Variants in GLIS1 observed in about 807,000 individuals in gnomAD.
GLIS1 encodes the protein zinc finger protein GLIS1.
Under a neutral mutation model 63.8 loss-of-function variants are expected in GLIS1, and 24 were observed. That is an observed-to-expected ratio of 0.38 (90% CI 0.27 to 0.53). The LOEUF (loss-of-function observed/expected upper bound fraction) is 0.53, where lower values mean the gene tolerates loss of function less well. Ranked by LOEUF, GLIS1 falls within the 20% of genes least tolerant of loss-of-function variation. GLIS1 has a pLI of 0.85. For missense variants in GLIS1, 1,036 were observed against 1,074.1 expected (o/e 0.96, Z 0.50); for synonymous variants, 450 against 482.5 (o/e 0.93, Z 0.88).
At chr1:53,625,591 G>C (rs536046078) in intron 2 of GLIS1, among the ~76,000 whole-genome samples, 6 of 152,254 alleles carry the variant, frequency 3.9e-5, no homozygotes, top group African/African-American at 1.4e-4. Flanking sequence ...ATCTTAGATG[G>C]CATCCCCCAG....
At chr1:53,566,720 T>C (rs527430523) in intron 4 of GLIS1, among the ~76,000 whole-genome samples, 1 of 152,300 alleles carries the variant, frequency 6.6e-6, no homozygotes, top group South Asian at 2.1e-4. Context: ...TGTTTAAAAG[T>C]GTGTGGCACC....
At chr1:53,717,121 C>T (rs75421704) in intron 2 of GLIS1, among the ~76,000 whole-genome samples, 2,340 of 152,312 alleles carry the variant, frequency 0.015, 59 homozygotes, top group African/African-American at 0.05. Context: ...AGGATCCGTC[C>T]TGATGCCAGA....
rs1645846443 is a variant in GLIS1, at chr1:53,646,572, G to A, written c.260-46294C>T. 6.6e-6 allele frequency among the ~76,000 whole-genome samples: 1 copy of A among 152,190 alleles called. No individual in the cohort carries two copies. Among genetic ancestry groups the A allele is most frequent in the South Asian group, 2.1e-4 (1 of 4,826 alleles). Reference sequence around the variant, plus strand: ...CACCTGTAATTCCAGCGCTTTGGGAGGCTAAGGTGGGTGGATCAGTTGAGG... The same window carrying A: ...CACCTGTAATTCCAGCGCTTTGGGAAGCTAAGGTGGGTGGATCAGTTGAGG... On this transcript the variant is annotated intron_variant, in intron 2 of 10. Transcript: ENST00000628545. This position sits in a 1 kb window ranked among gnomAD's most constrained non-coding sequence, Gnocchi z 4.2.
At chr1:53,714,515 C>T (rs539752174) in intron 2 of GLIS1, among the ~76,000 whole-genome samples, 2 of 152,306 alleles carry the variant, frequency 1.3e-5, no homozygotes, top group South Asian at 2.1e-4. Context: ...AAAAATAGCC[C>T]GCCTGGTCCT....
At chr1:53,720,922 C>G (rs904377480) in intron 2 of GLIS1, among the ~76,000 whole-genome samples, 1 of 151,666 alleles carries the variant, frequency 6.6e-6, no homozygotes, top group African/African-American at 2.4e-5. Flanking sequence ...TACTTGAGCC[C>G]GGAAGGTCCA....
At chr1:53,723,526 G>T (rs557810401) in intron 2 of GLIS1, among the ~76,000 whole-genome samples, 2 of 151,944 alleles carry the variant, frequency 1.3e-5, no homozygotes, top group East Asian at 1.9e-4. Flanking sequence ...GAGCCACCGC[G>T]CCTGGCCTTA....
At chr1:53,649,329 G>C (rs930702855) in intron 2 of GLIS1, among the ~76,000 whole-genome samples, 1 of 152,178 alleles carries the variant, frequency 6.6e-6, no homozygotes, top group Non-Finnish European at 1.5e-5. Context: ...TTAACTATAT[G>C]TTCTGTACGA....
In GLIS1 at chr1:53,561,637, C is replaced by T. The variant is rs571576191; in HGVS notation, c.1321-31685G>A. Among the ~76,000 whole-genome samples the T allele has an allele frequency of 2.6e-5, 4 of 152,326 alleles. No homozygotes were observed. In the South Asian group the frequency reaches 8.3e-4, roughly 32 times the overall value. On this transcript the variant is annotated intron_variant, in intron 4 of 10. Transcript: ENST00000628545. ...CCCTGGCCATACAAAATCCAGAGCA[C>T]TGGCCTGGGGTGGGGGCTGGCTGCA...
intron 2 of GLIS1, among the ~76,000 whole-genome samples, chr1:53,629,670 T>G (rs1163538748): frequency 6.6e-6 from 1 of 152,234 alleles, no homozygotes; most frequent in Non-Finnish European, 1.5e-5. Context: ...AGTGGCTGCT[T>G]CTTGTCATCA....
At chr1:53,509,364 C>G (rs371224897) in intron 9 of GLIS1, 77 bp from the exon 10 acceptor site, 5 of 1,354,718 alleles carry the variant, frequency 3.7e-6, no homozygotes, top group Non-Finnish European at 5.1e-6. Flanking sequence ...CCTTGCTGCA[C>G]GCTCCACCTC....
intron 2 of GLIS1, among the ~76,000 whole-genome samples, chr1:53,729,291 C>T (rs138899106): frequency 2.6e-5 from 4 of 152,254 alleles, no homozygotes; most frequent in East Asian, 1.9e-4. Flanking sequence ...TGAAATCATC[C>T]GTTTGAAGGC....
At chr1:53,567,040 C>A (rs1043673578) in intron 4 of GLIS1, among the ~76,000 whole-genome samples, 3 of 152,140 alleles carry the variant, frequency 2.0e-5, no homozygotes, top group African/African-American at 7.2e-5. Context: ...ATATGGAGGG[C>A]TCAGAAGAAG....
chr1:53,550,781 G>A (rs1393364515), intron 4 of GLIS1, among the ~76,000 whole-genome samples: 1 of 152,122 alleles, frequency 6.6e-6, no homozygotes, highest in Non-Finnish European at 1.5e-5. Flanking sequence ...GAGAAGTGAG[G>A]TGCTTCATCC....
chr1:53,551,360 T>A (rs936726122), intron 4 of GLIS1, among the ~76,000 whole-genome samples: 7 of 152,312 alleles, frequency 4.6e-5, no homozygotes, highest in Non-Finnish European at 8.8e-5. Context: ...GCCTGGAAAC[T>A]GTGGTGGCCC....
chr1:53,516,146 T>G (rs528008052), intron 7 of GLIS1, among the ~76,000 whole-genome samples: 1 of 152,250 alleles, frequency 6.6e-6, no homozygotes, highest in Non-Finnish European at 1.5e-5. Flanking sequence ...CCATTCTGAT[T>G]GGCCAGTGTG....
chr1:53,549,810 C>T (rs1014277453), intron 4 of GLIS1, among the ~76,000 whole-genome samples: 4 of 152,188 alleles, frequency 2.6e-5, no homozygotes, highest in African/African-American at 7.2e-5. Flanking sequence ...ACTCCCACAA[C>T]GCCATGAGGT....
chr1:53,645,749 G>A (rs189315551), intron 2 of GLIS1, among the ~76,000 whole-genome samples: 1 of 152,212 alleles, frequency 6.6e-6, no homozygotes, highest in Non-Finnish European at 1.5e-5. Context: ...AGGAAACACT[G>A]GTGCTCAGAG....
intron 2 of GLIS1, among the ~76,000 whole-genome samples, chr1:53,610,550 T>C (rs1645415171): frequency 6.6e-6 from 1 of 152,244 alleles, no homozygotes. Context: ...CTAAGTCTTT[T>C]GAAGTTATTG....
intron 8 of GLIS1, among the ~76,000 whole-genome samples, chr1:53,510,467 G>A (rs765181360): frequency 3.3e-5 from 5 of 152,164 alleles, no homozygotes; most frequent in African/African-American, 7.2e-5. Flanking sequence ...CCACCTGGAC[G>A]AGGAGCCCTG....
Sources: gnomAD v4.1 joint callset for allele counts (sites outside exome capture counted in the v4.1 genomes callset) on GRCh38, gnomAD v4.1.1 for gene constraint, Gnocchi (gnomAD v3.1) non-coding constraint, MANE v1.5 for transcripts, NCBI Gene and HGNC (gene_info 2026-07-23, HGNC 2026-07-21) for gene names.